Variants in CAB39L observed in about 807,000 individuals in gnomAD.
CAB39L encodes the protein calcium binding protein 39 like.
CAB39L carries 23 observed loss-of-function variants against 39.1 expected under a neutral mutation model. That is an observed-to-expected ratio of 0.59 (90% confidence interval 0.42 to 0.83). The LOEUF (loss-of-function observed/expected upper bound fraction) is 0.83, where lower values mean the gene tolerates loss of function less well. Among genes scored for constraint, CAB39L ranks in the 40% least tolerant of loss-of-function variants. The pLI is 0.00. For synonymous variants in CAB39L, 126 were observed against 137.2 expected (o/e 0.92, Z 0.57); for missense variants, 366 against 391.9 (o/e 0.93, Z 0.56).
intron 10 of CAB39L, among the ~76,000 whole-genome samples, chr13:49,313,043 TTTAAACATAATTTATTTTTTGAAC>T (rs1422611159): frequency 3.9e-5 from 6 of 152,202 alleles, no homozygotes; most frequent in African/African-American, 1.4e-4. Flanking sequence ...GCTTATGATT[TTTAAACATAATTTATTTTTTGAAC>T]ACATAATATC....
At position 49,331,483 on chromosome 13, in the gene CAB39L, AC is replaced by A. The variant is rs369530814; in HGVS notation, c.834+463del. ...TCCATCTCAAAACAAAAAACAAAAA[AC>A]AAAAAAACCACTATTGTCTAAAGGG... On this transcript the variant is annotated intron_variant, in intron 10 of 10. Transcript: ENST00000409308. 7.8e-4 allele frequency among the ~76,000 whole-genome samples: 119 copies of A among 152,200 alleles called. 4 individuals carry two copies. The East Asian group carries it at 0.02, about 26-fold the overall frequency.
chr13:49,443,137 C>T (rs1316872934), intron 1 of CAB39L, among the ~76,000 whole-genome samples: 1 of 151,484 alleles, frequency 6.6e-6, no homozygotes, highest in African/African-American at 2.4e-5. Context: ...TGTCTTCTTC[C>T]TCCTACCCCA....
chr13:49,362,699 C>T (rs528148977), intron 5 of CAB39L, among the ~76,000 whole-genome samples: 278 of 151,334 alleles, frequency 1.8e-3, no homozygotes, highest in South Asian at 3.3e-3. Flanking sequence ...AGATAATATC[C>T]GAGAACTTCC....
intron 3 of CAB39L, among the ~76,000 whole-genome samples, chr13:49,398,200 G>A (rs1251116763): frequency 6.6e-6 from 1 of 152,046 alleles, no homozygotes; most frequent in Non-Finnish European, 1.5e-5. Context: ...GGGACTATAT[G>A]AGTTTCTGCT....
intron 8 of CAB39L, among the ~76,000 whole-genome samples, chr13:49,341,247 T>A (rs559940032): frequency 1.1e-3 from 161 of 152,024 alleles, no homozygotes; most frequent in African/African-American, 3.6e-3. Flanking sequence ...TAGACAATTT[T>A]CTTTTTCTTT....
chr13:49,374,393 A>T (rs1259104850), intron 5 of CAB39L, among the ~76,000 whole-genome samples: 1 of 152,204 alleles, frequency 6.6e-6, no homozygotes, highest in East Asian at 1.9e-4. Context: ...TTGAAGGCTT[A>T]ATCTTCAGCT....
intron 1 of CAB39L, among the ~76,000 whole-genome samples, chr13:49,439,784 C>A (rs115046858): frequency 0.011 from 1,705 of 152,102 alleles, 27 homozygotes; most frequent in African/African-American, 0.038. Flanking sequence ...TTCTGACTGG[C>A]GTGAGATGAT....
At chr13:49,315,394 G>A (rs1954127039) in intron 10 of CAB39L, among the ~76,000 whole-genome samples, 1 of 152,128 alleles carries the variant, frequency 6.6e-6, no homozygotes, top group East Asian at 1.9e-4. Flanking sequence ...GGGTGACAAG[G>A]AGGAACTGAC....
chr13:49,434,251 G>A lies in CAB39L; in HGVS notation c.-245-28C>T, dbSNP rs1446867311. On this transcript the variant is annotated intron_variant, in intron 1 of 10. Coordinates refer to ENST00000409308, the MANE Select transcript of CAB39L (RefSeq NM_001079670.3). ...GCAATAATGTAGGAAAAACAGCACAGGCTTTGGAGTCACATCAATCTGGTT... is the reference window on the plus strand; with the variant it reads ...GCAATAATGTAGGAAAAACAGCACAAGCTTTGGAGTCACATCAATCTGGTT... 5.7e-5 allele frequency: 25 copies of A among 437,708 alleles called. No homozygotes were observed. In the Admixed American group the frequency reaches 6.5e-4, roughly 11 times the overall value. The allele number at this position is 437,708 out of a possible 1,614,324, so 27.1% of individuals were successfully genotyped here. A position where few individuals can be genotyped will look rare whatever the true frequency, so the allele number is the denominator to read the frequency against.
At chr13:49,423,339 A>G (rs1193797859) in intron 3 of CAB39L, among the ~76,000 whole-genome samples, 1 of 152,218 alleles carries the variant, frequency 6.6e-6, no homozygotes, top group Non-Finnish European at 1.5e-5. Flanking sequence ...TGTGCAGATC[A>G]CAAAATATAA....
chr13:49,368,736 A>C (rs2138534111), intron 5 of CAB39L, among the ~76,000 whole-genome samples: 1 of 152,296 alleles, frequency 6.6e-6, no homozygotes, highest in Non-Finnish European at 1.5e-5. Flanking sequence ...ATGCTCCATA[A>C]TTATTTGCTG....
intron 3 of CAB39L, among the ~76,000 whole-genome samples, chr13:49,419,717 A>T (rs987052316): frequency 6.6e-6 from 1 of 152,210 alleles, no homozygotes; most frequent in Non-Finnish European, 1.5e-5. Context: ...TATTATTTTA[A>T]TCTATTTGGT....
At chr13:49,359,632 A>G (rs1454693957) in intron 6 of CAB39L, 82 bp downstream of exon 6, 13 of 707,376 alleles carry the variant, frequency 1.8e-5, no homozygotes, top group Admixed American at 4.9e-5. Flanking sequence ...GGAACTCATC[A>G]TATCTCAAAT....
chr13:49,350,832 A>G lies in CAB39L; in HGVS notation c.476T>C (p.Ile159Thr). The change falls in exon 7 of 11, where the codon ATC (isoleucine) becomes ACC (threonine). Residue 159 changes from isoleucine (I) to threonine (T), a missense_variant. Ile to Thr is a moderately conservative substitution (Grantham distance 89). Coordinates refer to ENST00000409308, the MANE Select transcript of CAB39L (RefSeq NM_001079670.3). ...ATCTCTGAATTGATTAGAAAAGAGG[A>G]TGATTTTGGCAAGTGGTTCATGTCG... is the stretch of plus-strand genomic sequence containing the variant. ...CIRHEPLAKIILFSNQFRDFF... is the reference protein window; with the variant it reads ...CIRHEPLAKITLFSNQFRDFF... 1 of 1,612,786 alleles carries G rather than the reference A, an allele frequency of 6.2e-7. No individual in the cohort carries two copies. Among genetic ancestry groups the G allele is most frequent in the Non-Finnish European group, 8.5e-7 (1 of 1,179,298 alleles).
At chr13:49,331,067 G>A (rs1202445950) in intron 10 of CAB39L, among the ~76,000 whole-genome samples, 1 of 152,120 alleles carries the variant, frequency 6.6e-6, no homozygotes, top group East Asian at 1.9e-4. Flanking sequence ...AAAAACTCTG[G>A]AATGTGTGCA....
rs189430025 is a variant in CAB39L, at chr13:49,321,562, G to A, written c.834+10385C>T. On this transcript the variant is annotated intron_variant, in intron 10 of 10. Coordinates refer to ENST00000409308, the MANE Select transcript of CAB39L (RefSeq NM_001079670.3). Reference sequence around the variant, plus strand: ...GCTGTGTGTGCAGCGTGCGCCTTCCGGGCTGTGCTGGGTGCTTCCGCTAGT... The same window carrying A: ...GCTGTGTGTGCAGCGTGCGCCTTCCAGGCTGTGCTGGGTGCTTCCGCTAGT... Among the ~76,000 whole-genome samples the A allele has an allele frequency of 1.8e-4, 27 of 152,284 alleles. No individual in the cohort carries two copies. In the East Asian group the frequency reaches 4.4e-3, roughly 25 times the overall value.
intron 3 of CAB39L, among the ~76,000 whole-genome samples, chr13:49,396,814 A>C (rs755972278): frequency 1.3e-5 from 2 of 152,200 alleles, no homozygotes; most frequent in African/African-American, 2.4e-5. Context: ...GTACATGGCA[A>C]AAAATTGTGC....
intron 3 of CAB39L, among the ~76,000 whole-genome samples, chr13:49,427,452 G>A (rs1185760693): frequency 1.3e-5 from 2 of 152,150 alleles, no homozygotes; most frequent in African/African-American, 4.8e-5. Flanking sequence ...CACTTTGGGA[G>A]GCCAAGCAGG....
chr13:49,347,392 G>A (rs1429809398), intron 7 of CAB39L, among the ~76,000 whole-genome samples: 1 of 152,184 alleles, frequency 6.6e-6, no homozygotes, highest in African/African-American at 2.4e-5. Context: ...AACCTTTGGG[G>A]AAATTTTCAG....
Sources: gnomAD v4.1 joint callset for allele counts (sites outside exome capture counted in the v4.1 genomes callset) on GRCh38, gnomAD v4.1.1 for gene constraint, MANE v1.5 for transcripts, NCBI Gene and HGNC (gene_info 2026-07-23, HGNC 2026-07-21) for gene names.